The following LRRTM3 variants were observed in gnomAD, a reference collection of about 807,000 sequenced individuals.
LRRTM3 encodes leucine rich repeat transmembrane neuronal 3.
A neutral mutation model predicts 44.7 loss-of-function variants in LRRTM3; 24 were observed. The observed-to-expected ratio is 0.54, with a 90% CI of 0.39 to 0.76. The LOEUF (loss-of-function observed/expected upper bound fraction) is 0.76, where lower values mean the gene tolerates loss of function less well. Among genes scored for constraint, LRRTM3 ranks in the 30% least tolerant of loss-of-function variants. The probability of loss-of-function intolerance (pLI) is 0.00; values close to 1 mark genes in which losing one functional copy is unlikely to be tolerated. For synonymous variants in LRRTM3, 277 were observed against 278.7 expected, an observed-to-expected ratio of 0.99 and a Z score of 0.06; for missense variants, 587 against 702.2, an observed-to-expected ratio of 0.84 and a Z score of 1.85.
chr10:66,947,433 A>C (rs1480073796), intron 2 of LRRTM3, among the ~76,000 whole-genome samples: 1 of 152,158 alleles, frequency 6.6e-6, no homozygotes, highest in East Asian at 1.9e-4. Context: ...TCCATGGGGA[A>C]AGGGGAATGG....
intron 2 of LRRTM3, among the ~76,000 whole-genome samples, chr10:66,996,889 C>T (rs1851384232): frequency 6.6e-6 from 1 of 151,980 alleles, no homozygotes; most frequent in African/African-American, 2.4e-5. Flanking sequence ...AGCAATTATC[C>T]ACCTGTTGAC....
intron 2 of LRRTM3, among the ~76,000 whole-genome samples, chr10:66,984,437 A>T (rs962567320): frequency 6.6e-6 from 1 of 152,198 alleles, no homozygotes; most frequent in African/African-American, 2.4e-5. Context: ...AATTGACCAA[A>T]TGTAAATATG....
chr10:67,012,699 T>C (rs550511183), intron 2 of LRRTM3, among the ~76,000 whole-genome samples: 351 of 152,276 alleles, frequency 2.3e-3, no homozygotes, highest in African/African-American at 7.7e-3. Context: ...TGGACAAATG[T>C]AATCACGTCT....
intron 2 of LRRTM3, among the ~76,000 whole-genome samples, chr10:67,044,348 C>T (rs1254537268): frequency 1.3e-5 from 2 of 152,126 alleles, no homozygotes; most frequent in African/African-American, 4.8e-5. Flanking sequence ...GTTTATTTCT[C>T]ATAGGATTTT....
At chr10:66,994,821 TGAGAA>T (rs1851240128) in intron 2 of LRRTM3, among the ~76,000 whole-genome samples, 1 of 152,198 alleles carries the variant, frequency 6.6e-6, no homozygotes, top group Non-Finnish European at 1.5e-5. Flanking sequence ...ATCAGTCCTT[TGAGAA>T]TTTCTATACA....
chr10:66,939,877 C>A (rs1847904935), intron 2 of LRRTM3, among the ~76,000 whole-genome samples: 1 of 152,168 alleles, frequency 6.6e-6, no homozygotes, highest in Non-Finnish European at 1.5e-5. Context: ...TTGTAACAAT[C>A]TTCCAAGAAC....
At chr10:67,049,143 T>C (rs1854936356) in intron 2 of LRRTM3, among the ~76,000 whole-genome samples, 2 of 151,960 alleles carry the variant, frequency 1.3e-5, no homozygotes, top group South Asian at 4.2e-4. Context: ...CAGGATAATG[T>C]TAGTATACTA....
chr10:66,972,930 G>A (rs11817816), intron 2 of LRRTM3, among the ~76,000 whole-genome samples: 26,366 of 151,806 alleles, frequency 0.17, 2,391 homozygotes, highest in Non-Finnish European at 0.19. Flanking sequence ...AAGTTTCATA[G>A]ATTAAAAAGT....
intron 2 of LRRTM3, among the ~76,000 whole-genome samples, chr10:66,960,557 T>C (rs1231529420): frequency 2.0e-5 from 3 of 152,180 alleles, no homozygotes. Flanking sequence ...AAGTTAATTA[T>C]TCACAAATGA....
Position 66,926,582 on chromosome 10 carries a change from G to C in LRRTM3, c.-2G>C. On this transcript the variant is annotated 5_prime_UTR_variant, in exon 1 of 3. Coordinates refer to ENST00000361320, the MANE Select transcript of LRRTM3 (RefSeq NM_178011.5). ...AAGGACGACCTTTGAACAATACAAA[G>C]GATGGGTATGTTTTGTCATTTTTCT... The C allele has an allele frequency of 6.2e-7, 1 of 1,613,918 alleles. No homozygotes were observed. Among genetic ancestry groups the C allele is most frequent in the South Asian group, 1.1e-5 (1 of 91,056 alleles).
chr10:67,061,604 C>G (rs1036525427), intron 2 of LRRTM3, among the ~76,000 whole-genome samples: 1 of 152,136 alleles, frequency 6.6e-6, no homozygotes, highest in East Asian at 1.9e-4. Flanking sequence ...TGAATTGTAG[C>G]AATGTTTTAG....
intron 2 of LRRTM3, among the ~76,000 whole-genome samples, chr10:67,095,357 A>G (rs1411514129): frequency 6.6e-6 from 1 of 151,858 alleles, no homozygotes; most frequent in African/African-American, 2.4e-5. Context: ...ATGTGGATTT[A>G]TATTTAAACA....
rs899875827 is a variant in LRRTM3, at chr10:67,100,024, AAAG to A, written c.*2234_*2236del. Among the ~76,000 whole-genome samples, 5 of 151,782 alleles carry A rather than the reference AAAG, an allele frequency of 3.3e-5. No homozygotes were observed. Among genetic ancestry groups the A allele is most frequent in the African/African-American group, 9.7e-5 (4 of 41,402 alleles). On this transcript the variant is annotated 3_prime_UTR_variant, in exon 3 of 3. Transcript: ENST00000361320. ...AGAAGTTATCCTTGCAAAGATAGAA[AAAG>A]AAGAATTAATTTGTGTAAACAAGCA...
intron 2 of LRRTM3, among the ~76,000 whole-genome samples, chr10:67,034,050 G>T (rs1730803530): frequency 6.6e-6 from 1 of 152,186 alleles, no homozygotes; most frequent in South Asian, 2.1e-4. Context: ...GAGACTACAG[G>T]CGTGAGCCAC....
At chr10:67,073,137 T>G (rs1011532175) in intron 2 of LRRTM3, among the ~76,000 whole-genome samples, 3 of 152,206 alleles carry the variant, frequency 2.0e-5, no homozygotes, top group Admixed American at 2.0e-4. Flanking sequence ...CCTTCTGAAA[T>G]TTTAGTTCTT....
intron 2 of LRRTM3, among the ~76,000 whole-genome samples, chr10:67,066,487 G>C (rs905977973): frequency 5.3e-5 from 8 of 150,172 alleles, no homozygotes; most frequent in African/African-American, 1.7e-4. Flanking sequence ...CACCGCACCT[G>C]GCCAAGTCCC....
chr10:67,056,406 C>T (rs1331530083), intron 2 of LRRTM3, among the ~76,000 whole-genome samples: 1 of 152,080 alleles, frequency 6.6e-6, no homozygotes, highest in African/African-American at 2.4e-5. Flanking sequence ...TCGTACTACC[C>T]ATTTTTGCAT....
At chr10:67,017,793 G>A (rs1353248299) in intron 2 of LRRTM3, among the ~76,000 whole-genome samples, 1 of 151,588 alleles carries the variant, frequency 6.6e-6, no homozygotes, top group Non-Finnish European at 1.5e-5. Flanking sequence ...ATTTTGAGAT[G>A]GAGTCTCACT....
At chr10:66,955,853 TG>T (rs1356718265) in intron 2 of LRRTM3, among the ~76,000 whole-genome samples, 1 of 152,176 alleles carries the variant, frequency 6.6e-6, no homozygotes, top group Non-Finnish European at 1.5e-5. Flanking sequence ...GAGCCCATTG[TG>T]TCTCACCTTC....
Sources: gnomAD v4.1 joint callset for allele counts (sites outside exome capture counted in the v4.1 genomes callset) on GRCh38, gnomAD v4.1.1 for gene constraint, MANE v1.5 for transcripts, NCBI Gene and HGNC (gene_info 2026-07-23, HGNC 2026-07-21) for gene names.